FBXO15: variants seen among roughly 807,000 people sequenced by gnomAD.
The protein encoded by FBXO15 is F-box protein 15.
In FBXO15, 30 loss-of-function variants were observed where a neutral mutation model predicts 49.5. That is an observed-to-expected ratio of 0.61 (90% CI 0.45 to 0.82). FBXO15 has a LOEUF of 0.82. FBXO15 is among the 40% of genes least tolerant of loss of function. FBXO15 has a pLI of 0.00. For missense variants in FBXO15, 591 were observed against 631.5 expected (o/e 0.94, Z 0.69); for synonymous variants, 250 against 232.7 (o/e 1.07, Z -0.68).
At chr18:74,091,825 T>C (rs773668834) in intron 8 of FBXO15, among the ~76,000 whole-genome samples, 1 of 152,190 alleles carries the variant, frequency 6.6e-6, no homozygotes, top group Non-Finnish European at 1.5e-5. Context: ...TTTTCTTTCA[T>C]TTTGACCTTG....
chr18:74,077,477 C>A (rs1385675376), intron 9 of FBXO15, among the ~76,000 whole-genome samples: 1 of 152,192 alleles, frequency 6.6e-6, no homozygotes, highest in Non-Finnish European at 1.5e-5. Flanking sequence ...AGACACCTGA[C>A]CTTGCTCCCT....
At chr18:74,088,802 C>T (rs1912872188) in intron 8 of FBXO15, among the ~76,000 whole-genome samples, 1 of 152,136 alleles carries the variant, frequency 6.6e-6, no homozygotes. Context: ...GGCAGTCTGG[C>T]TATTTTAACA....
intron 9 of FBXO15, among the ~76,000 whole-genome samples, chr18:74,076,006 A>G (rs1208539392): frequency 6.6e-6 from 1 of 152,152 alleles, no homozygotes; most frequent in Non-Finnish European, 1.5e-5. Flanking sequence ...ACGGTCCCTC[A>G]AGTCCAGCAG....
chr18:74,075,029 A>G lies in FBXO15; in HGVS notation c.1264-1299T>C, dbSNP rs963891118. 2.6e-5 allele frequency among the ~76,000 whole-genome samples: 4 copies of G among 152,178 alleles called. No individual in the cohort carries two copies. The highest frequency in any genetic ancestry group is 5.9e-5 in the Non-Finnish European group (4 of 68,030). On this transcript the variant is annotated intron_variant, in intron 9 of 9. Coordinates refer to ENST00000419743, the MANE Select transcript of FBXO15 (RefSeq NM_001142958.2). This position sits in a 1 kb window ranked among gnomAD's most constrained non-coding sequence, Gnocchi z 4.1. ...CCCCAGAGGAGCGCAGTTATTTTCTATCTGTCTGGACCTGAGCACCAAGCA... is the reference window on the plus strand; with the variant it reads ...CCCCAGAGGAGCGCAGTTATTTTCTGTCTGTCTGGACCTGAGCACCAAGCA...
chr18:74,083,118 G>A (rs1208082979), intron 8 of FBXO15, among the ~76,000 whole-genome samples: 3 of 152,180 alleles, frequency 2.0e-5, no homozygotes, highest in Non-Finnish European at 4.4e-5. Context: ...TTCCAGCCCC[G>A]CAAACGGGAG....
At chr18:74,123,565 C>A (rs1914564354) in intron 7 of FBXO15, 55 bp from the exon 8 acceptor site, 3 of 1,558,332 alleles carry the variant, frequency 1.9e-6, no homozygotes, top group East Asian at 2.3e-5. Flanking sequence ...GGATAAAATT[C>A]TTGGTTTGAA....
chr18:74,120,123 T>C (rs1032670645), intron 8 of FBXO15, among the ~76,000 whole-genome samples: 1 of 152,194 alleles, frequency 6.6e-6, no homozygotes, highest in Non-Finnish European at 1.5e-5. Flanking sequence ...CCCTCAACAA[T>C]GTACACAGTG....
chr18:74,083,857 T>C (rs1912610329), intron 8 of FBXO15, among the ~76,000 whole-genome samples: 1 of 152,228 alleles, frequency 6.6e-6, no homozygotes, highest in Non-Finnish European at 1.5e-5. Context: ...AGGTGTATTT[T>C]TGAGTACTTA....
rs549233857 is a variant in FBXO15, at chr18:74,123,388, C to A, written c.1118G>T (p.Arg373Leu). 1.2e-5 allele frequency: 19 copies of A among 1,610,622 alleles called. No homozygotes were observed. The South Asian group carries it at 2.1e-4, about 18-fold the overall frequency. The part of the protein sequence containing the change: ...GGVFYLCGTF[R>L]NLFTKRGNIE... ...TTCACCTCTCTTGGTGAAGAGATTGCGAAATGTACCACATAGGTAGAAAAC... is the reference window on the plus strand; with the variant it reads ...TTCACCTCTCTTGGTGAAGAGATTGAGAAATGTACCACATAGGTAGAAAAC... The change falls in exon 8 of 10, where the codon CGC becomes CTC. Residue 373 changes from arginine to leucine, a missense_variant. Coordinates refer to ENST00000419743, the MANE Select transcript of FBXO15 (RefSeq NM_001142958.2).
At chr18:74,133,687 A>G (rs1222331958) in intron 3 of FBXO15, among the ~76,000 whole-genome samples, 2 of 152,212 alleles carry the variant, frequency 1.3e-5, no homozygotes, top group Non-Finnish European at 2.9e-5. Flanking sequence ...GGAGCACAAC[A>G]CCAGCATCTG....
intron 8 of FBXO15, among the ~76,000 whole-genome samples, chr18:74,091,803 G>T (rs1005904704): frequency 1.3e-5 from 2 of 152,132 alleles, no homozygotes; most frequent in Admixed American, 6.5e-5. Context: ...TCCCCCAGCT[G>T]CCTTTAATGT....
At chr18:74,146,091 TA>T (rs1276885831) in intron 1 of FBXO15, among the ~76,000 whole-genome samples, 1 of 152,212 alleles carries the variant, frequency 6.6e-6, no homozygotes, top group Non-Finnish European at 1.5e-5. Flanking sequence ...TCCAATATTT[TA>T]AAAACCTAAT....
At chr18:74,077,955 T>C (rs888931103) in intron 9 of FBXO15, among the ~76,000 whole-genome samples, 35 of 152,120 alleles carry the variant, frequency 2.3e-4, no homozygotes, top group African/African-American at 7.2e-4. Context: ...AGCATAGAGA[T>C]GGTGGTTAGA....
chr18:74,145,594 CTTTTTT>C (rs760823560), intron 1 of FBXO15, among the ~76,000 whole-genome samples: 1 of 96,370 alleles, frequency 1.0e-5, no homozygotes, highest in African/African-American at 4.9e-5. Context: ...ACCAACTGCA[CTTTTTT>C]TTTTTTTTTT....
intron 8 of FBXO15, among the ~76,000 whole-genome samples, chr18:74,092,345 C>T (rs979518528): frequency 1.3e-5 from 2 of 151,870 alleles, no homozygotes; most frequent in Non-Finnish European, 2.9e-5. Context: ...GATTTTTGTT[C>T]TTATCCATAT....
chr18:74,126,300 G>C (rs938279002), intron 5 of FBXO15, among the ~76,000 whole-genome samples, 199 bp from the exon 6 acceptor site: 1 of 152,198 alleles, frequency 6.6e-6, no homozygotes, highest in African/African-American at 2.4e-5. Context: ...AGCCAACTAG[G>C]TATTTCTTCC....
intron 8 of FBXO15, among the ~76,000 whole-genome samples, chr18:74,116,190 G>C (rs541229828): frequency 2.7e-4 from 41 of 152,304 alleles, no homozygotes; most frequent in African/African-American, 9.9e-4. Flanking sequence ...GGGACATGCA[G>C]GCTGCTTCAA....
intron 8 of FBXO15, among the ~76,000 whole-genome samples, chr18:74,111,911 A>G (rs1337335932): frequency 6.6e-6 from 1 of 152,190 alleles, no homozygotes; most frequent in African/African-American, 2.4e-5. Flanking sequence ...CTATGAACAA[A>G]GCAATGCCCA....
intron 8 of FBXO15, among the ~76,000 whole-genome samples, chr18:74,120,720 G>C (rs966080081): frequency 6.6e-6 from 1 of 152,056 alleles, no homozygotes; most frequent in Non-Finnish European, 1.5e-5. Context: ...ATGATAAAAT[G>C]AAAGTTCTCA....
Sources: gnomAD v4.1 joint callset for allele counts (sites outside exome capture counted in the v4.1 genomes callset) on GRCh38, gnomAD v4.1.1 for gene constraint, Gnocchi (gnomAD v3.1) non-coding constraint, MANE v1.5 for transcripts, NCBI Gene and HGNC (gene_info 2026-07-23, HGNC 2026-07-21) for gene names.